The following TMEM232 variants were observed in gnomAD, a reference collection of about 807,000 sequenced individuals.
TMEM232 encodes transmembrane protein 232.
A neutral mutation model predicts 78.8 loss-of-function variants in TMEM232; 80 were observed. The observed-to-expected ratio is 1.01, with a 90% CI of 0.85 to 1.22. TMEM232 has a LOEUF of 1.22. Ranked by LOEUF, TMEM232 falls within the 50% of genes most tolerant of loss-of-function variation. TMEM232 has a pLI of 0.00. For missense variants in TMEM232, 881 were observed against 742.2 expected (o/e 1.19, Z -2.17); for synonymous variants, 297 against 254.3 (o/e 1.17, Z -1.60).
chr5:110,644,002 T>C (rs933183932), intron 2 of TMEM232, among the ~76,000 whole-genome samples: 1 of 152,002 alleles, frequency 6.6e-6, no homozygotes, highest in Non-Finnish European at 1.5e-5. Context: ...CTGTCTTCTA[T>C]ATATCAGGCA....
intron 12 of TMEM232, among the ~76,000 whole-genome samples, chr5:110,452,397 G>A (rs1316033847): frequency 6.6e-6 from 1 of 152,108 alleles, no homozygotes; most frequent in Admixed American, 6.5e-5. Flanking sequence ...AATCCATCCA[G>A]ATCATTTAAA....
chr5:110,420,788 T>C, intron 13 of TMEM232, 32 bp from the exon 14 acceptor site: 5 of 1,483,926 alleles, frequency 3.4e-6, no homozygotes, highest in Non-Finnish European at 4.4e-6. Flanking sequence ...ATTCACATGA[T>C]TTTCCATGAA....
At chr5:110,417,605 C>CT (rs892114155), downstream of TMEM232, 2 of 137,632 alleles carry the variant, frequency 1.5e-5, no homozygotes, top group Non-Finnish European at 3.1e-5. Context: ...TTCTTTCAAA[C>CT]TTTTTTCTTT....
At chr5:110,654,905 A>C (rs1032156387) in intron 2 of TMEM232, among the ~76,000 whole-genome samples, 1 of 152,120 alleles carries the variant, frequency 6.6e-6, no homozygotes, top group African/African-American at 2.4e-5. Flanking sequence ...ATTCTCTTTG[A>C]AGAAATTGTG....
chr5:110,734,820 T>C (rs933159177), intron 2 of TMEM232: 6 of 152,218 alleles, frequency 3.9e-5, no homozygotes, highest in Non-Finnish European at 7.3e-5. Flanking sequence ...GTTTGAAAGA[T>C]ATTTTTAAAA....
chr5:110,502,927 C>G (rs1191202883), intron 12 of TMEM232, among the ~76,000 whole-genome samples: 2 of 152,182 alleles, frequency 1.3e-5, no homozygotes, highest in Admixed American at 1.3e-4. Context: ...TTATTATCAT[C>G]TGGTTAATTT....
upstream of TMEM232, among the ~76,000 whole-genome samples, chr5:110,729,565 T>A (rs1250748395): frequency 1.3e-5 from 2 of 152,218 alleles, no homozygotes; most frequent in Non-Finnish European, 2.9e-5. Flanking sequence ...CAGATTATAT[T>A]TTCTCAGAAC....
intron 8 of TMEM232, among the ~76,000 whole-genome samples, chr5:110,613,988 T>C (rs1246591705): frequency 6.6e-6 from 1 of 152,090 alleles, no homozygotes; most frequent in Non-Finnish European, 1.5e-5. Flanking sequence ...ATAGTTTTTG[T>C]TTGCTAGAGC....
intron 2 of TMEM232, among the ~76,000 whole-genome samples, chr5:110,650,326 G>A (rs1788132567): frequency 6.6e-6 from 1 of 151,822 alleles, no homozygotes; most frequent in African/African-American, 2.4e-5. Context: ...AACATATTCA[G>A]AATTTCAAAA....
At chr5:110,456,017 C>T (rs1176755514) in intron 12 of TMEM232, among the ~76,000 whole-genome samples, 1 of 152,164 alleles carries the variant, frequency 6.6e-6, no homozygotes, top group Non-Finnish European at 1.5e-5. Flanking sequence ...AAGCAGAATG[C>T]TTTGCCTCTA....
At chr5:110,390,524 A>G (rs1357880673) in exon 4 of TMEM232, 1 of 152,282 alleles carries the variant, frequency 6.6e-6, no homozygotes, top group Non-Finnish European at 1.5e-5. Flanking sequence ...TCTCTTTACA[A>G]CTTCAGCATG....
chr5:110,611,465 G>A (rs1034008020), intron 8 of TMEM232, among the ~76,000 whole-genome samples: 11 of 152,078 alleles, frequency 7.2e-5, no homozygotes, highest in Non-Finnish European at 1.6e-4. Context: ...CCTCAGACAA[G>A]CAATGACTGC....
At chr5:110,594,855 A>G (rs915674447) in intron 10 of TMEM232, among the ~76,000 whole-genome samples, 1 of 152,208 alleles carries the variant, frequency 6.6e-6, no homozygotes, top group Non-Finnish European at 1.5e-5. Context: ...GCTTCAGCAG[A>G]CTTAAACTTT....
At chr5:110,724,094 C>G (rs781730562) in intron 1 of TMEM232, among the ~76,000 whole-genome samples, 4 of 152,202 alleles carry the variant, frequency 2.6e-5, no homozygotes, top group Non-Finnish European at 5.9e-5. Context: ...TTCCTGAAAA[C>G]CCTAGTTCAA....
rs80279233 is a variant in TMEM232, at chr5:110,478,333, G to A, written c.1703+50255C>T. On this transcript the variant is annotated intron_variant, in intron 12 of 13. Transcript: ENST00000455884. ...TAAATTCTTACTCTACTTTAAAATA[G>A]ATTTCTTCCTTTCCTTTTGAAATCA... Among the ~76,000 whole-genome samples, 395 of 152,010 alleles carry A rather than the reference G, an allele frequency of 2.6e-3. 11 individuals are homozygous for A. In the East Asian group the frequency reaches 0.066, roughly 25 times the overall value.
rs1783233023 is a variant in TMEM232, at chr5:110,618,579, T to G, written c.769-17A>C. Reference sequence around the variant, plus strand: ...ATATCCTCCCTGATTAAATTGCAAATGTTTCAGGAATTAAAATATAAAAAT... The same window carrying G: ...ATATCCTCCCTGATTAAATTGCAAAGGTTTCAGGAATTAAAATATAAAAAT... On this transcript the variant is annotated splice_polypyrimidine_tract_variant and intron_variant, in intron 7 of 13. Coordinates refer to ENST00000455884, the MANE Select transcript of TMEM232 (RefSeq NM_001039763.4). The G allele has an allele frequency of 6.5e-7, 1 of 1,530,046 alleles. No homozygotes were observed. Among genetic ancestry groups the G allele is most frequent in the Non-Finnish European group, 8.8e-7 (1 of 1,140,970 alleles). The allele number at this position is 1,530,046 out of a possible 1,614,324, so 94.8% of individuals were successfully genotyped here.
At chr5:110,595,413 T>G (rs1046362814) in intron 10 of TMEM232, among the ~76,000 whole-genome samples, 8 of 152,072 alleles carry the variant, frequency 5.3e-5, no homozygotes, top group South Asian at 2.1e-4. Context: ...CAAAACCGTA[T>G]GAAGAAAGAG....
At chr5:110,400,526 A>T (rs1033445217) in intron 2 of TMEM232, among the ~76,000 whole-genome samples, 7 of 152,092 alleles carry the variant, frequency 4.6e-5, no homozygotes, top group African/African-American at 1.7e-4. Flanking sequence ...TTAAAAAAAT[A>T]TAAGACATAC....
chr5:110,681,070 C>T (rs79775820), intron 1 of TMEM232, among the ~76,000 whole-genome samples: 5,728 of 152,170 alleles, frequency 0.038, 158 homozygotes, highest in Non-Finnish European at 0.053. Context: ...CCACTCTAGA[C>T]GCTCTAAGAG....
Sources: gnomAD v4.1 joint callset for allele counts (sites outside exome capture counted in the v4.1 genomes callset) on GRCh38, gnomAD v4.1.1 for gene constraint, MANE v1.5 for transcripts, NCBI Gene and HGNC (gene_info 2026-07-23, HGNC 2026-07-21) for gene names.